CMSS1: variants seen among roughly 807,000 people sequenced by gnomAD.
CMSS1 encodes the protein cms1 ribosomal small subunit homolog, also known as protein CMSS1.
A neutral mutation model predicts 43.5 loss-of-function variants in CMSS1; 33 were observed. The observed-to-expected ratio is 0.76, with a 90% CI of 0.57 to 1.01. CMSS1 has a LOEUF of 1.01. Ranked by LOEUF, CMSS1 falls within the 50% of genes least tolerant of loss-of-function variation. The pLI is 0.00. For synonymous variants in CMSS1, 115 were observed against 117.2 expected, an observed-to-expected ratio of 0.98 and a Z score of 0.12; for missense variants, 313 against 326.4, an observed-to-expected ratio of 0.96 and a Z score of 0.32.
intron 1 of CMSS1, among the ~76,000 whole-genome samples, chr3:99,984,422 C>T (rs1470110657): frequency 6.6e-6 from 1 of 152,154 alleles, no homozygotes; most frequent in East Asian, 1.9e-4. Context: ...AGTTAGTCTG[C>T]ATTAGCTCAT....
chr3:99,861,927 G>A (rs1944279654), intron 1 of CMSS1, among the ~76,000 whole-genome samples: 1 of 152,134 alleles, frequency 6.6e-6, no homozygotes, highest in Admixed American at 6.5e-5. Context: ...TCTGTAGAAT[G>A]GGGATAATAT....
chr3:99,901,001 G>A (rs545572997), intron 1 of CMSS1, among the ~76,000 whole-genome samples: 3 of 152,208 alleles, frequency 2.0e-5, no homozygotes, highest in Admixed American at 6.5e-5. Context: ...AGTTTGCTTT[G>A]CTTCTTATTG....
At chr3:100,128,006 T>C (rs1420195710) in intron 1 of CMSS1, among the ~76,000 whole-genome samples, 1 of 152,190 alleles carries the variant, frequency 6.6e-6, no homozygotes, top group African/African-American at 2.4e-5. Context: ...TTCTGCACTA[T>C]CTGTGTGAGA....
At chr3:100,057,990 C>G (rs189527280) in intron 1 of CMSS1, among the ~76,000 whole-genome samples, 71 of 152,346 alleles carry the variant, frequency 4.7e-4, no homozygotes, top group Admixed American at 4.2e-3. Flanking sequence ...GAGGCTGACT[C>G]TCTGTGAGGT....
chr3:99,868,488 A>G lies in CMSS1; in HGVS notation c.64+50445A>G, dbSNP rs1944629512. On this transcript the variant is annotated intron_variant, in intron 1 of 9. Coordinates refer to ENST00000421999, the MANE Select transcript of CMSS1 (RefSeq NM_032359.4). ...TCATCCCTATGGATAGACTAGCATA[A>G]CCAGAAGAGTAACAGTAGCTGCTAT... is the stretch of plus-strand genomic sequence containing the variant. 2.0e-5 allele frequency among the ~76,000 whole-genome samples: 3 copies of G among 152,210 alleles called. 1 individual carries two copies. In the South Asian group the frequency reaches 6.2e-4, roughly 32 times the overall value.
intron 1 of CMSS1, among the ~76,000 whole-genome samples, chr3:99,827,713 C>T (rs1056861194): frequency 6.6e-6 from 1 of 152,144 alleles, no homozygotes; most frequent in Non-Finnish European, 1.5e-5. Context: ...CAAGCAGATT[C>T]TTCTGCCTCA....
intron 1 of CMSS1, chr3:100,110,121 A>G (rs1319676038): frequency 6.6e-6 from 1 of 152,086 alleles, no homozygotes; most frequent in Non-Finnish European, 1.5e-5. Context: ...TTGGAAGGAA[A>G]TGCAATAATA....
At chr3:99,850,689 T>C (rs1188164855) in intron 1 of CMSS1, 1 of 1,614,154 alleles carries the variant, frequency 6.2e-7, no homozygotes, top group Non-Finnish European at 8.5e-7. Flanking sequence ...GCCGGCTGAG[T>C]GCTGCCAGCT....
intron 1 of CMSS1, among the ~76,000 whole-genome samples, chr3:99,927,775 G>A (rs984618573): frequency 6.6e-6 from 1 of 152,020 alleles, no homozygotes; most frequent in Non-Finnish European, 1.5e-5. Context: ...AAAGGAATAG[G>A]AGGTCAAAAC....
intron 1 of CMSS1, among the ~76,000 whole-genome samples, chr3:99,945,290 T>C (rs1707975514): frequency 6.6e-6 from 1 of 152,130 alleles, no homozygotes; most frequent in Admixed American, 6.5e-5. Flanking sequence ...TTCCCCATAC[T>C]CCCTCATGAG....
chr3:99,967,801 C>T (rs954355506), intron 1 of CMSS1, among the ~76,000 whole-genome samples: 3 of 152,158 alleles, frequency 2.0e-5, no homozygotes, highest in South Asian at 4.1e-4. Context: ...ACCAATACTC[C>T]TTGAGTGCCT....
At chr3:99,898,664 G>A (rs1471990343) in intron 1 of CMSS1, 1 of 175,796 alleles carries the variant, frequency 5.7e-6, no homozygotes, top group Non-Finnish European at 1.2e-5. Flanking sequence ...TACTTGGAAT[G>A]CTGAGGCAGG....
chr3:99,986,630 A>G (rs1402365637), intron 1 of CMSS1, among the ~76,000 whole-genome samples: 2 of 152,164 alleles, frequency 1.3e-5, no homozygotes, highest in African/African-American at 4.8e-5. Context: ...AAGAAATTGA[A>G]GAAATTGATG....
intron 1 of CMSS1, among the ~76,000 whole-genome samples, chr3:100,035,321 T>C (rs989986169): frequency 1.3e-5 from 2 of 152,208 alleles, no homozygotes; most frequent in Non-Finnish European, 2.9e-5. Flanking sequence ...TCACCCAGGC[T>C]GGAGTTCAAT....
At chr3:100,020,257 T>C (rs1220615388) in intron 1 of CMSS1, among the ~76,000 whole-genome samples, 1 of 152,232 alleles carries the variant, frequency 6.6e-6, no homozygotes, top group Non-Finnish European at 1.5e-5. Flanking sequence ...TTCACTATTC[T>C]GCAAATAAAT....
chr3:99,925,935 A>G lies in CMSS1; in HGVS notation c.64+107892A>G, dbSNP rs182948187. On this transcript the variant is annotated intron_variant, in intron 1 of 9. Coordinates refer to ENST00000421999, the MANE Select transcript of CMSS1 (RefSeq NM_032359.4). ...GCTGCCACCAGAAAAACATGTTGGC[A>G]AGAGCTAACTCGGGATCTTTTGCTA... 174 of 960,886 alleles carry G rather than the reference A, an allele frequency of 1.8e-4. 1 individual carries two copies. In the African/African-American group the frequency reaches 2.7e-3, roughly 15 times the overall value. 59.5% of individuals were successfully genotyped at this position (960,886 alleles called of 1,614,324 possible). A position where few individuals can be genotyped will look rare whatever the true frequency, so the allele number is the denominator to read the frequency against.
chr3:99,881,665 TG>T, intron 1 of CMSS1, among the ~76,000 whole-genome samples: 1 of 152,128 alleles, frequency 6.6e-6, no homozygotes, highest in Non-Finnish European at 1.5e-5. Context: ...CCCTAGTAGC[TG>T]GGATTATACA....
At chr3:99,866,026 A>G (rs890105452) in intron 1 of CMSS1, among the ~76,000 whole-genome samples, 4 of 152,096 alleles carry the variant, frequency 2.6e-5, no homozygotes. Context: ...GGAGGATTTA[A>G]TATGATTCCT....
chr3:99,876,169 A>G (rs950827533), intron 1 of CMSS1: 2 of 985,440 alleles, frequency 2.0e-6, no homozygotes, highest in African/African-American at 3.5e-5. Flanking sequence ...TCGCCCGAAC[A>G]ATGCGAGCGG....
Sources: gnomAD v4.1 joint callset for allele counts (sites outside exome capture counted in the v4.1 genomes callset) on GRCh38, gnomAD v4.1.1 for gene constraint, MANE v1.5 for transcripts, NCBI Gene and HGNC (gene_info 2026-07-23, HGNC 2026-07-21) for gene names.